Variants in ZNRF1 observed in about 807,000 individuals in gnomAD.
ZNRF1 encodes the protein E3 ubiquitin-protein ligase ZNRF1.
Under a neutral mutation model 18.4 loss-of-function variants are expected in ZNRF1, and 3 were observed. The ratio of observed to expected loss-of-function variants is 0.16; its 90% confidence interval spans 0.07 to 0.42. The LOEUF (loss-of-function observed/expected upper bound fraction) is 0.42, where lower values mean the gene tolerates loss of function less well. ZNRF1 is among the 10% of genes least tolerant of loss of function. The pLI is 0.99. For synonymous variants in ZNRF1, 157 were observed against 144.2 expected (o/e 1.09, Z -0.64); for missense variants, 310 against 329.8 (o/e 0.94, Z 0.47).
chr16:75,085,384 T>C (rs2036060852), intron 1 of ZNRF1, among the ~76,000 whole-genome samples: 1 of 152,264 alleles, frequency 6.6e-6, no homozygotes, highest in Admixed American at 6.5e-5. Flanking sequence ...AGCTGAGTAG[T>C]GTTTCATTTT....
chr16:75,082,654 A>T (rs563564074), intron 1 of ZNRF1, among the ~76,000 whole-genome samples: 2 of 152,306 alleles, frequency 1.3e-5, no homozygotes, highest in South Asian at 2.1e-4. Flanking sequence ...ACTGGGCTCC[A>T]GCCATCCTCC....
intron 1 of ZNRF1, among the ~76,000 whole-genome samples, chr16:75,057,250 C>A: frequency 6.6e-6 from 1 of 152,132 alleles, no homozygotes; most frequent in East Asian, 1.9e-4. Context: ...TTATTCATGC[C>A]AGATTTCTAA....
At chr16:75,010,056 C>T (rs1221465923) in intron 1 of ZNRF1, among the ~76,000 whole-genome samples, 1 of 152,144 alleles carries the variant, frequency 6.6e-6, no homozygotes, top group Non-Finnish European at 1.5e-5. Flanking sequence ...AGTCTCAGCT[C>T]ACTACAACCT....
intron 1 of ZNRF1, among the ~76,000 whole-genome samples, chr16:75,049,762 A>C (rs1203955927): frequency 6.6e-6 from 1 of 152,180 alleles, no homozygotes; most frequent in East Asian, 1.9e-4. Context: ...ACAGTGCAAT[A>C]GCAAAATGAG....
intron 1 of ZNRF1, among the ~76,000 whole-genome samples, chr16:75,037,452 C>T (rs2035390032): frequency 6.6e-6 from 1 of 152,156 alleles, no homozygotes; most frequent in East Asian, 1.9e-4. Flanking sequence ...ATTATCATGC[C>T]TCAGCCTCCC....
In ZNRF1 at chr16:75,010,712, T is replaced by TTG. The variant is rs1567464737; in HGVS notation, c.424+10618_424+10619insGT. ...CTCTGTACTGTACTGTTTTTTTTTG[T>TTG]TTTTTTGTTTTTTTTTTTTTGAGGA... On this transcript the variant is annotated intron_variant, in intron 1 of 4. Coordinates refer to ENST00000335325, the MANE Select transcript of ZNRF1 (RefSeq NM_032268.5). Among the ~76,000 whole-genome samples the TTG allele has an allele frequency of 4.8e-4, 21 of 43,896 alleles. 5 individuals are homozygous for TTG. Among genetic ancestry groups the TTG allele is most frequent in the Non-Finnish European group, 9.3e-4 (17 of 18,294 alleles). The allele number at this position is 43,896 out of a possible 152,430, so 28.8% of individuals were successfully genotyped here. A position where few individuals can be genotyped will look rare whatever the true frequency, so the allele number is the denominator to read the frequency against.
intron 1 of ZNRF1, among the ~76,000 whole-genome samples, chr16:75,038,050 C>G (rs1351463501): frequency 6.6e-6 from 1 of 152,144 alleles, no homozygotes; most frequent in African/African-American, 2.4e-5. Context: ...GATTGCATAT[C>G]ATTTACCTAG....
intron 2 of ZNRF1, among the ~76,000 whole-genome samples, chr16:75,094,622 C>T (rs1189988106): frequency 4.6e-5 from 7 of 152,184 alleles, no homozygotes; most frequent in Admixed American, 3.3e-4. Flanking sequence ...GGTACAGAGC[C>T]TGGCACATGG....
In ZNRF1 at chr16:74,999,952, A is replaced by T; in HGVS notation, c.281A>T (p.Asp94Val). 1 of 1,574,766 alleles carries T rather than the reference A, an allele frequency of 6.4e-7. No homozygotes were observed. Among genetic ancestry groups the T allele is most frequent in the East Asian group, 2.3e-5 (1 of 43,064 alleles). Residue 94 changes from aspartate to valine, a missense_variant, in exon 1 of 5, where the codon GAC becomes GTC. Asp to Val is a radical substitution (Grantham distance 152). This residue lies in a region of ZNRF1 where 293 missense variants were observed against 291.2 expected (regional missense o/e 1.01). Transcript: ENST00000335325. ...CCCGGCGGCGGAGGGTCTGCGTCCG[A>T]CTCCACCTATGCCCATGGCAATGGT... Reference protein sequence around the residue: ...RAPGGGGSASDSTYAHGNGYQ... With the variant: ...RAPGGGGSASVSTYAHGNGYQ...
intron 1 of ZNRF1, among the ~76,000 whole-genome samples, chr16:75,003,003 GAGTGC>G (rs2034872548): frequency 1.3e-5 from 2 of 152,178 alleles, no homozygotes; most frequent in South Asian, 4.1e-4. Context: ...GCCCAGGCTG[GAGTGC>G]AGTGGTGCGA....
At chr16:75,039,894 G>C (rs924296180) in intron 1 of ZNRF1, among the ~76,000 whole-genome samples, 2 of 152,106 alleles carry the variant, frequency 1.3e-5, no homozygotes, top group African/African-American at 2.4e-5. Context: ...GGATCCTCCA[G>C]ATGTTGTGGG....
intron 1 of ZNRF1, among the ~76,000 whole-genome samples, chr16:75,085,421 T>C (rs1465521893): frequency 1.3e-5 from 2 of 152,264 alleles, no homozygotes; most frequent in Non-Finnish European, 2.9e-5. Context: ...ACAGTTTCTA[T>C]ATCCATTCTG....
intron 3 of ZNRF1, 122 bp downstream of exon 3, chr16:75,105,011 C>A (rs1188824329): frequency 3.8e-6 from 3 of 785,174 alleles, no homozygotes; most frequent in South Asian, 1.7e-5. Flanking sequence ...TGGCTCCGAG[C>A]GGGTAAGGGC....
At chr16:75,069,805 G>A (rs1178722554) in intron 1 of ZNRF1, among the ~76,000 whole-genome samples, 3 of 152,156 alleles carry the variant, frequency 2.0e-5, no homozygotes, top group Non-Finnish European at 1.5e-5. Context: ...AGATAAACCA[G>A]CTATCTCCAC....
chr16:75,030,833 C>CTTTT lies in ZNRF1; in HGVS notation c.424+30757_424+30760dup, dbSNP rs59468839. On this transcript the variant is annotated intron_variant, in intron 1 of 4. Coordinates refer to ENST00000335325, the MANE Select transcript of ZNRF1 (RefSeq NM_032268.5). Reference sequence around the variant, plus strand: ...CATTGTAGCATGCAGCACTTTATTCCTTTTTTTTTTTTTTTTTTTTTTGTT... The same window carrying CTTTT: ...CATTGTAGCATGCAGCACTTTATTCCTTTTTTTTTTTTTTTTTTTTTTTTTTGTT... Among the ~76,000 whole-genome samples, 52 of 91,396 alleles carry CTTTT rather than the reference C, an allele frequency of 5.7e-4. 1 individual carries two copies. The highest frequency in any genetic ancestry group is 7.4e-3 in the Middle Eastern group (1 of 136). The allele number at this position is 91,396 out of a possible 152,430, so 60.0% of individuals were successfully genotyped here.
At chr16:75,050,324 G>A (rs1033172610) in intron 1 of ZNRF1, among the ~76,000 whole-genome samples, 4 of 151,994 alleles carry the variant, frequency 2.6e-5, no homozygotes, top group Non-Finnish European at 4.4e-5. Flanking sequence ...CCAGGAATTC[G>A]AGACCATACT....
chr16:75,022,043 T>C (rs1468523902), intron 1 of ZNRF1, among the ~76,000 whole-genome samples: 1 of 152,212 alleles, frequency 6.6e-6, no homozygotes, highest in Non-Finnish European at 1.5e-5. Context: ...CTTATCTCTG[T>C]TTTCAGTACA....
At chr16:75,005,119 C>T (rs1208290842) in intron 1 of ZNRF1, among the ~76,000 whole-genome samples, 4 of 152,178 alleles carry the variant, frequency 2.6e-5, no homozygotes, top group South Asian at 2.1e-4. Flanking sequence ...CACATGGTTT[C>T]TGGAGAAGGA....
chr16:75,030,524 A>G (rs2035288352), intron 1 of ZNRF1, among the ~76,000 whole-genome samples: 1 of 152,200 alleles, frequency 6.6e-6, no homozygotes, highest in Admixed American at 6.5e-5. Flanking sequence ...CTGACCTTGC[A>G]TTGGGCAGTA....
Sources: gnomAD v4.1 joint callset for allele counts (sites outside exome capture counted in the v4.1 genomes callset) on GRCh38, gnomAD v4.1.1 for gene constraint, gnomAD v4.1.1 regional missense constraint, MANE v1.5 for transcripts, NCBI Gene and HGNC (gene_info 2026-07-23, HGNC 2026-07-21) for gene names.